GTF2F2: variants seen among roughly 807,000 people sequenced by gnomAD.
GTF2F2 encodes the protein general transcription factor IIF subunit 2.
A neutral mutation model predicts 42.2 loss-of-function variants in GTF2F2; 23 were observed. The observed-to-expected ratio is 0.55, with a 90% CI of 0.39 to 0.77. GTF2F2 has a LOEUF of 0.77. Among genes scored for constraint, GTF2F2 ranks in the 30% least tolerant of loss-of-function variants. The pLI is 0.00. For synonymous variants in GTF2F2, 105 were observed against 100.8 expected, an observed-to-expected ratio of 1.04 and a Z score of -0.25; for missense variants, 261 against 287.2, an observed-to-expected ratio of 0.91 and a Z score of 0.66.
chr13:45,272,537 G>C (rs2138270261), intron 7 of GTF2F2, among the ~76,000 whole-genome samples: 1 of 151,018 alleles, frequency 6.6e-6, no homozygotes, highest in African/African-American at 2.4e-5. Flanking sequence ...GAGCTCAGGA[G>C]TTCAAGACCA....
At chr13:45,179,886 T>C (rs1315583955) in intron 4 of GTF2F2, among the ~76,000 whole-genome samples, 2 of 152,218 alleles carry the variant, frequency 1.3e-5, no homozygotes, top group Non-Finnish European at 2.9e-5. Flanking sequence ...AGGAATTTCT[T>C]AACATCAAAT....
At chr13:45,282,207 A>G (rs1378756377) in intron 7 of GTF2F2, among the ~76,000 whole-genome samples, 1 of 151,710 alleles carries the variant, frequency 6.6e-6, no homozygotes, top group Non-Finnish European at 1.5e-5. Flanking sequence ...TCAAAATAAT[A>G]ATGATAATAA....
intron 4 of GTF2F2, among the ~76,000 whole-genome samples, chr13:45,161,668 G>A (rs1468793892): frequency 1.3e-5 from 2 of 152,014 alleles, no homozygotes; most frequent in Admixed American, 6.6e-5. Flanking sequence ...ATGGTGAAAC[G>A]CCGTCCCTAC....
chr13:45,240,173 A>C (rs1184043905), intron 5 of GTF2F2, among the ~76,000 whole-genome samples: 1 of 148,486 alleles, frequency 6.7e-6, no homozygotes, highest in East Asian at 2.0e-4. Context: ...CCTAAGAACA[A>C]TCTAGGAGAG....
intron 5 of GTF2F2, among the ~76,000 whole-genome samples, chr13:45,251,052 A>C (rs1349212389): frequency 1.3e-5 from 2 of 152,234 alleles, no homozygotes; most frequent in African/African-American, 4.8e-5. Flanking sequence ...AATAATTTAA[A>C]TATTTACATT....
At chr13:45,244,938 C>T (rs1434043314) in intron 5 of GTF2F2, among the ~76,000 whole-genome samples, 1 of 152,204 alleles carries the variant, frequency 6.6e-6, no homozygotes, top group African/African-American at 2.4e-5. Flanking sequence ...GCTGGGATTA[C>T]AGGCATGAGC....
chr13:45,138,746 A>G (rs1382281272), intron 2 of GTF2F2, among the ~76,000 whole-genome samples: 1 of 152,150 alleles, frequency 6.6e-6, no homozygotes, highest in African/African-American at 2.4e-5. Flanking sequence ...CCCGGGTTCA[A>G]GCGATTCTCC....
Position 45,280,399 on chromosome 13 carries a change from C to T in GTF2F2, c.631-3043C>T, listed in dbSNP as rs79566202. 6.2e-3 allele frequency among the ~76,000 whole-genome samples: 949 copies of T among 152,262 alleles called. 11 individuals carry two copies. The highest frequency in any genetic ancestry group is 0.02 in the African/African-American group (838 of 41,548). Reference sequence around the variant, plus strand: ...CTTCAGAGACCTTGTTTTTCCCTATCGTCACTACTACTTTCTCTGCTAATG... The same window carrying T: ...CTTCAGAGACCTTGTTTTTCCCTATTGTCACTACTACTTTCTCTGCTAATG... On this transcript the variant is annotated intron_variant, in intron 7 of 7. Coordinates refer to ENST00000340473, the MANE Select transcript of GTF2F2 (RefSeq NM_004128.3).
At chr13:45,259,151 G>T (rs890386972) in intron 6 of GTF2F2, among the ~76,000 whole-genome samples, 8 of 152,294 alleles carry the variant, frequency 5.3e-5, no homozygotes, top group Admixed American at 4.6e-4. Flanking sequence ...AATAGGCCGG[G>T]TGCGGTGGCT....
chr13:45,282,700 T>G (rs993912997), intron 7 of GTF2F2, among the ~76,000 whole-genome samples: 1 of 152,130 alleles, frequency 6.6e-6, no homozygotes, highest in Admixed American at 6.6e-5. Context: ...AGACGGGGTT[T>G]CACCATGTTG....
chr13:45,270,562 G>A (rs1425805140), intron 7 of GTF2F2, among the ~76,000 whole-genome samples: 1 of 151,904 alleles, frequency 6.6e-6, no homozygotes, highest in Non-Finnish European at 1.5e-5. Context: ...TCTATGAATG[G>A]GCAGAACCCC....
intron 5 of GTF2F2, among the ~76,000 whole-genome samples, chr13:45,220,509 A>ATAC (rs1354121749): frequency 6.6e-6 from 1 of 152,200 alleles, no homozygotes; most frequent in African/African-American, 2.4e-5. Context: ...TTCCATACTT[A>ATAC]TACTACCATA....
rs1161627204 is a variant in GTF2F2 at position 45,127,938 on chromosome 13, CTTTTTTTTTTTTTTTT to C, written c.66+7233_66+7248del. 2.8e-3 allele frequency among the ~76,000 whole-genome samples: 136 copies of C among 48,608 alleles called. 2 individuals are homozygous for C. The East Asian group carries it at 0.056, about 20-fold the overall frequency. The allele number at this position is 48,608 out of a possible 152,430, so 31.9% of individuals were successfully genotyped here. ...GAGCCACTGTGCCTGGCACCCCGGC[CTTTTTTTTTTTTTTTT>C]TTTTTTTTTTTTTTTCTTTTTTTTT... On this transcript the variant is annotated intron_variant, in intron 1 of 7. Coordinates refer to ENST00000340473, the MANE Select transcript of GTF2F2 (RefSeq NM_004128.3).
chr13:45,161,980 G>A (rs1871062615), intron 4 of GTF2F2, among the ~76,000 whole-genome samples: 1 of 151,954 alleles, frequency 6.6e-6, no homozygotes, highest in Admixed American at 6.6e-5. Context: ...TAATAAATCT[G>A]TATTAAATAA....
chr13:45,138,016 A>G (rs901412054), intron 2 of GTF2F2, among the ~76,000 whole-genome samples: 3 of 152,154 alleles, frequency 2.0e-5, no homozygotes, highest in South Asian at 2.1e-4. Flanking sequence ...CCAAGAGTCA[A>G]CTAGCAGCTC....
intron 2 of GTF2F2, among the ~76,000 whole-genome samples, chr13:45,141,776 A>G (rs530518635): frequency 6.6e-6 from 1 of 152,138 alleles, no homozygotes; most frequent in Non-Finnish European, 1.5e-5. Context: ...GCCATGGGTA[A>G]CTGCTTGGTA....
At chr13:45,172,104 T>C (rs1327334752) in intron 4 of GTF2F2, among the ~76,000 whole-genome samples, 2 of 152,226 alleles carry the variant, frequency 1.3e-5, no homozygotes. Context: ...TTATTTCTCT[T>C]GTATATATAC....
intron 5 of GTF2F2, 128 bp downstream of exon 5, chr13:45,207,633 T>C: frequency 1.7e-6 from 1 of 604,800 alleles, no homozygotes; most frequent in Middle Eastern, 2.7e-4. Context: ...AAAAGCTGTT[T>C]GGTTTTAAAA....
intron 7 of GTF2F2, among the ~76,000 whole-genome samples, chr13:45,279,636 G>T: frequency 6.6e-6 from 1 of 152,292 alleles, no homozygotes; most frequent in South Asian, 2.1e-4. Flanking sequence ...GGCCGGGCGC[G>T]GTGGCTCATG....
Sources: gnomAD v4.1 joint callset for allele counts (sites outside exome capture counted in the v4.1 genomes callset) on GRCh38, gnomAD v4.1.1 for gene constraint, MANE v1.5 for transcripts, NCBI Gene and HGNC (gene_info 2026-07-23, HGNC 2026-07-21) for gene names.